Variants in CACNA1D observed in about 807,000 individuals in gnomAD.
The protein encoded by CACNA1D is calcium voltage-gated channel subunit alpha1 D, also known as voltage-dependent L-type calcium channel subunit alpha-1D.
CACNA1D carries 55 observed loss-of-function variants against 257.1 expected under a neutral mutation model. That is an observed-to-expected ratio of 0.21 (90% CI 0.17 to 0.27). The LOEUF (loss-of-function observed/expected upper bound fraction) is 0.27. CACNA1D is among the 10% of genes least tolerant of loss of function. The pLI, the probability that CACNA1D is intolerant of heterozygous loss-of-function variation, is 1.00. For synonymous variants in CACNA1D, 980 were observed against 1,014.9 expected (o/e 0.97, Z 0.65); for missense variants, 1,876 against 2,784.0 (o/e 0.67, Z 7.34).
At chr3:53,761,049 A>G (rs916309761) in intron 29 of CACNA1D, among the ~76,000 whole-genome samples, 5 of 152,242 alleles carry the variant, frequency 3.3e-5, no homozygotes, top group African/African-American at 4.8e-5. Context: ...CCATCAGGGA[A>G]CATTTATCTG....
intron 40 of CACNA1D, among the ~76,000 whole-genome samples, chr3:53,794,540 T>C (rs1287254863): frequency 6.6e-6 from 1 of 152,122 alleles, no homozygotes; most frequent in African/African-American, 2.4e-5. Context: ...GGTAAAAAAG[T>C]CTACACCTGA....
chr3:53,727,850 G>C (rs2094950787), intron 15 of CACNA1D, among the ~76,000 whole-genome samples: 1 of 152,046 alleles, frequency 6.6e-6, no homozygotes, highest in African/African-American at 2.4e-5. Flanking sequence ...TCTTTATCTT[G>C]TCTGGCTCAC....
intron 29 of CACNA1D, among the ~76,000 whole-genome samples, chr3:53,759,657 A>C (rs1019432205): frequency 2.6e-5 from 4 of 152,230 alleles, no homozygotes; most frequent in Admixed American, 2.6e-4. Context: ...CATGAAGAAA[A>C]GGGCAGGCTC....
intron 3 of CACNA1D, among the ~76,000 whole-genome samples, chr3:53,542,946 G>A (rs1001767110): frequency 2.6e-5 from 4 of 151,798 alleles, no homozygotes; most frequent in African/African-American, 7.3e-5. Context: ...CAGCTACTTG[G>A]GAGGCTGAGG....
chr3:53,692,223 G>A (rs548627836), intron 8 of CACNA1D, among the ~76,000 whole-genome samples: 2 of 152,028 alleles, frequency 1.3e-5, no homozygotes, highest in South Asian at 4.1e-4. Flanking sequence ...TTTACAGTCT[G>A]GTAAGTTAAA....
chr3:53,752,534 C>T (rs778088808), intron 28 of CACNA1D, among the ~76,000 whole-genome samples: 2 of 152,148 alleles, frequency 1.3e-5, no homozygotes, highest in African/African-American at 2.4e-5. Flanking sequence ...TGAGTAGCTA[C>T]GATTACAGGC....
chr3:53,739,910 A>T (rs1356024293), intron 20 of CACNA1D, among the ~76,000 whole-genome samples: 1 of 152,242 alleles, frequency 6.6e-6, no homozygotes, highest in Non-Finnish European at 1.5e-5. Context: ...ACGCGGTTAA[A>T]AATCGAAAAT....
intron 6 of CACNA1D, 69 bp downstream of exon 6, chr3:53,665,881 G>C: frequency 7.8e-7 from 1 of 1,275,032 alleles, no homozygotes; most frequent in East Asian, 2.3e-5. Flanking sequence ...AACTTTCATG[G>C]TTTGGGGAAA....
At chr3:53,617,818 A>G (rs1451024174) in intron 3 of CACNA1D, among the ~76,000 whole-genome samples, 1 of 152,192 alleles carries the variant, frequency 6.6e-6, no homozygotes. Flanking sequence ...GTGAGCCTCA[A>G]ATGTACTGGG....
Position 53,751,678 on chromosome 3 carries a change from C to T in CACNA1D, c.3517-71C>T, listed in dbSNP as rs1314995249. 4 of 1,508,854 alleles carry T rather than the reference C, an allele frequency of 2.7e-6. No individual in the cohort carries two copies. The highest frequency in any genetic ancestry group is 3.7e-6 in the Non-Finnish European group (4 of 1,085,154). 93.5% of individuals were successfully genotyped at this position (1,508,854 alleles called of 1,614,324 possible). On this transcript the variant is annotated intron_variant, in intron 27 of 47. Transcript: ENST00000350061. This position sits in a 1 kb window ranked among gnomAD's most constrained non-coding sequence, Gnocchi z 4.3. ...AGCTGTAGGGTGAGCTCTTTCAGAG[C>T]AGATGACCACGGGGTCCTCCTTCCC...
chr3:53,681,974 G>A (rs1235517852), intron 8 of CACNA1D, among the ~76,000 whole-genome samples: 3 of 152,174 alleles, frequency 2.0e-5, no homozygotes, highest in African/African-American at 4.8e-5. Context: ...AACTGGGAGA[G>A]CTGGAGATGA....
chr3:53,497,932 T>C (rs2090422262), intron 2 of CACNA1D, among the ~76,000 whole-genome samples: 1 of 152,234 alleles, frequency 6.6e-6, no homozygotes, highest in Non-Finnish European at 1.5e-5. Flanking sequence ...TGTTTGAAAT[T>C]TGCTTCTGCA....
At chr3:53,713,590 C>G (rs35377175) in intron 9 of CACNA1D, among the ~76,000 whole-genome samples, 1 of 150,736 alleles carries the variant, frequency 6.6e-6, no homozygotes, top group East Asian at 2.0e-4. Context: ...TTGGCTGAGA[C>G]GAATGTCGTC....
At chr3:53,775,606 T>TAG (rs1174127119) in intron 34 of CACNA1D, among the ~76,000 whole-genome samples, 1 of 152,084 alleles carries the variant, frequency 6.6e-6, no homozygotes, top group Admixed American at 6.6e-5. Flanking sequence ...ATGTTTAAAG[T>TAG]AGAGAAGACA....
chr3:53,627,732 G>C (rs888478350), intron 3 of CACNA1D, among the ~76,000 whole-genome samples: 2 of 152,110 alleles, frequency 1.3e-5, no homozygotes, highest in African/African-American at 4.8e-5. Context: ...AGGTATTCAG[G>C]CCGGGTGTGG....
At chr3:53,763,331 A>G (rs895660210) in intron 30 of CACNA1D, among the ~76,000 whole-genome samples, 5 of 152,248 alleles carry the variant, frequency 3.3e-5, no homozygotes, top group African/African-American at 1.2e-4. Context: ...CACTCTCCCT[A>G]GAAGCACTCT....
At position 53,581,192 on chromosome 3, in the gene CACNA1D, C is replaced by T. The variant is rs896485399; in HGVS notation, c.484-69587C>T. Among the ~76,000 whole-genome samples the T allele has an allele frequency of 5.3e-4, 81 of 152,230 alleles. 1 individual carries two copies. Among genetic ancestry groups the T allele is most frequent in the African/African-American group, 1.9e-3 (79 of 41,526 alleles). On this transcript the variant is annotated intron_variant, in intron 3 of 47. Transcript: ENST00000350061. The stretch of plus-strand genomic sequence containing the variant: ...TGTGTGAGGACTTTGTTCTTGTCAC[C>T]GATATATGCTCGGATCCCCATGTTT...
chr3:53,788,815 C>A (rs766436056), intron 40 of CACNA1D, among the ~76,000 whole-genome samples: 51 of 152,154 alleles, frequency 3.4e-4, no homozygotes, highest in Non-Finnish European at 5.4e-4. Flanking sequence ...TTACAGCCAG[C>A]AGGTTAGCTA....
At chr3:53,713,543 T>A (rs982426) in intron 9 of CACNA1D, among the ~76,000 whole-genome samples, 3,542 of 120,886 alleles carry the variant, frequency 0.029, 60 homozygotes, top group African/African-American at 0.064. Flanking sequence ...TGTGTGTGTG[T>A]GAGAGATTTG....
Sources: allele counts gnomAD v4.1 joint callset (sites outside exome capture counted in the v4.1 genomes callset), GRCh38; gene constraint gnomAD v4.1.1; non-coding constraint Gnocchi (gnomAD v3.1); transcripts MANE v1.5; gene names NCBI Gene and HGNC (gene_info 2026-07-23, HGNC 2026-07-21).